The following CTNNA2 variants were observed in gnomAD, a reference collection of about 807,000 sequenced individuals.
CTNNA2 encodes catenin alpha-2.
CTNNA2 carries 42 observed loss-of-function variants against 101.0 expected under a neutral mutation model. The observed-to-expected ratio is 0.42, with a 90% CI of 0.32 to 0.54. The LOEUF (loss-of-function observed/expected upper bound fraction) is 0.54, where lower values mean the gene tolerates loss of function less well. Ranked by LOEUF, CTNNA2 falls within the 20% of genes least tolerant of loss-of-function variation. The pLI, the probability that CTNNA2 is intolerant of heterozygous loss-of-function variation, is 0.14. For missense variants in CTNNA2, 871 were observed against 1,223.1 expected, an observed-to-expected ratio of 0.71 and a Z score of 4.29; for synonymous variants, 450 against 456.4, an observed-to-expected ratio of 0.99 and a Z score of 0.18.
chr2:79,280,176 A>C (rs1675325187), intron 2 of CTNNA2, among the ~76,000 whole-genome samples: 1 of 152,122 alleles, frequency 6.6e-6, no homozygotes, highest in Non-Finnish European at 1.5e-5. Context: ...CAGAAGGGAA[A>C]AAGAATAGCA....
chr2:79,412,034 A>C (rs1678419139), intron 4 of CTNNA2, among the ~76,000 whole-genome samples: 1 of 152,104 alleles, frequency 6.6e-6, no homozygotes, highest in Non-Finnish European at 1.5e-5. Context: ...GGCTCAAAAT[A>C]AAAGGATGGA....
chr2:80,036,823 TTG>T lies in CTNNA2; in HGVS notation c.1056+127051_1056+127052del, dbSNP rs1213433697. ...TCACTCATTCATTGTGTGTGTGTGT[TTG>T]TGTGTGTGTGTGTGTGTGTGTGTGA... On this transcript the variant is annotated intron_variant, in intron 7 of 18. Coordinates refer to ENST00000402739, the MANE Select transcript of CTNNA2 (RefSeq NM_001282597.3). 5.2e-3 allele frequency among the ~76,000 whole-genome samples: 700 copies of T among 134,790 alleles called. 5 individuals carry two copies. The highest frequency in any genetic ancestry group is 0.017 in the African/African-American group (617 of 35,916). 88.4% of individuals were successfully genotyped at this position (134,790 alleles called of 152,430 possible). A position where few individuals can be genotyped will look rare whatever the true frequency, so the allele number is the denominator to read the frequency against.
At chr2:80,566,021 A>G (rs1016954698) in intron 12 of CTNNA2, among the ~76,000 whole-genome samples, 1 of 152,210 alleles carries the variant, frequency 6.6e-6, no homozygotes, top group Non-Finnish European at 1.5e-5. Flanking sequence ...TGCTACAATT[A>G]AACAGAAATT....
intron 2 of CTNNA2, among the ~76,000 whole-genome samples, chr2:79,297,818 C>T (rs1229030764): frequency 3.9e-5 from 6 of 152,152 alleles, no homozygotes; most frequent in African/African-American, 1.4e-4. Context: ...GATTTTTACT[C>T]TTTACTTTTT....
intron 7 of CTNNA2, among the ~76,000 whole-genome samples, chr2:80,293,045 A>T (rs868230001): frequency 6.6e-6 from 1 of 152,234 alleles, no homozygotes; most frequent in African/African-American, 2.4e-5. Context: ...TAAAAATTTA[A>T]TAAAATAAAA....
chr2:79,895,692 ATTTTTT>A (rs70940058), intron 6 of CTNNA2, among the ~76,000 whole-genome samples: 2 of 140,602 alleles, frequency 1.4e-5, no homozygotes, highest in African/African-American at 5.3e-5. Context: ...AAATTTCTTA[ATTTTTT>A]TTTTTTTTTT....
At chr2:80,564,474 C>A (rs1424062778) in intron 12 of CTNNA2, among the ~76,000 whole-genome samples, 2 of 147,470 alleles carry the variant, frequency 1.4e-5, no homozygotes, top group South Asian at 4.3e-4. Flanking sequence ...CTCCCTGATT[C>A]TTTTAGGGTA....
chr2:80,065,964 G>T (rs1697958459), intron 7 of CTNNA2, among the ~76,000 whole-genome samples: 1 of 152,138 alleles, frequency 6.6e-6, no homozygotes, highest in South Asian at 2.1e-4. Flanking sequence ...GAATAGGAGA[G>T]AATGACTTTA....
intron 7 of CTNNA2, among the ~76,000 whole-genome samples, chr2:80,346,982 G>T (rs115813434): frequency 1.4e-3 from 218 of 152,320 alleles, no homozygotes; most frequent in African/African-American, 3.8e-3. Context: ...CCATGCTTCC[G>T]CTAGAAAGGT....
At chr2:80,369,257 C>T (rs1010000485) in intron 7 of CTNNA2, among the ~76,000 whole-genome samples, 1 of 151,986 alleles carries the variant, frequency 6.6e-6, no homozygotes, top group Non-Finnish European at 1.5e-5. Context: ...ATATATTTCT[C>T]CCCCACCATT....
chr2:80,292,233 C>G (rs545795925), intron 7 of CTNNA2, among the ~76,000 whole-genome samples: 1 of 152,314 alleles, frequency 6.6e-6, no homozygotes, highest in South Asian at 2.1e-4. Context: ...TAAGGAATAA[C>G]TCTTTCATTC....
intron 2 of CTNNA2, among the ~76,000 whole-genome samples, chr2:79,738,008 T>C (rs1034870644): frequency 1.3e-5 from 2 of 152,182 alleles, no homozygotes; most frequent in African/African-American, 4.8e-5. Context: ...TGTCTTAAAA[T>C]ACAACATATC....
intron 7 of CTNNA2, among the ~76,000 whole-genome samples, chr2:80,390,095 C>T (rs764848124): frequency 5.3e-5 from 8 of 152,198 alleles, no homozygotes; most frequent in Non-Finnish European, 8.8e-5. Flanking sequence ...CACTCACTGC[C>T]TTCCCAGAAC....
chr2:79,423,988 T>C (rs541215661), intron 4 of CTNNA2, among the ~76,000 whole-genome samples: 1 of 152,174 alleles, frequency 6.6e-6, no homozygotes, highest in African/African-American at 2.4e-5. Flanking sequence ...AAAAAACCTA[T>C]CTTTTAATGC....
chr2:79,924,688 C>T (rs1285701035), intron 7 of CTNNA2, among the ~76,000 whole-genome samples: 1 of 151,976 alleles, frequency 6.6e-6, no homozygotes, highest in African/African-American at 2.4e-5. Context: ...GATCAAAGTG[C>T]ATTATTCAAA....
chr2:80,575,528 G>C (rs1356640117), intron 13 of CTNNA2, among the ~76,000 whole-genome samples: 1 of 152,022 alleles, frequency 6.6e-6, no homozygotes, highest in Non-Finnish European at 1.5e-5. Flanking sequence ...GGCAAGGAAA[G>C]ATAGTCAGCC....
At chr2:80,085,588 A>C (rs1573031225) in intron 7 of CTNNA2, among the ~76,000 whole-genome samples, 1 of 152,076 alleles carries the variant, frequency 6.6e-6, no homozygotes, top group Admixed American at 6.6e-5. Flanking sequence ...CTAAAGGCTG[A>C]GTGATTTTGA....
chr2:79,947,670 G>C (rs944089569), intron 7 of CTNNA2, among the ~76,000 whole-genome samples: 1 of 152,154 alleles, frequency 6.6e-6, no homozygotes, highest in Non-Finnish European at 1.5e-5. Flanking sequence ...ATTAAAATAA[G>C]TATTTTCCAT....
chr2:79,421,908 A>G (rs372471930), intron 4 of CTNNA2, among the ~76,000 whole-genome samples: 1 of 152,168 alleles, frequency 6.6e-6, no homozygotes, highest in East Asian at 1.9e-4. Flanking sequence ...GGAAGTATAG[A>G]GCCCATAAGA....
Sources: gnomAD v4.1 joint callset for allele counts (sites outside exome capture counted in the v4.1 genomes callset) on GRCh38, gnomAD v4.1.1 for gene constraint, MANE v1.5 for transcripts, NCBI Gene and HGNC (gene_info 2026-07-23, HGNC 2026-07-21) for gene names.